The following UNC5A variants were observed in gnomAD, a reference collection of about 807,000 sequenced individuals.
The protein encoded by UNC5A is unc-5 netrin receptor A, also known as netrin receptor UNC5A.
In UNC5A, 20 loss-of-function variants were observed where a neutral mutation model predicts 87.4. The observed-to-expected ratio is 0.23, with a 90% CI of 0.16 to 0.33. The LOEUF (loss-of-function observed/expected upper bound fraction) is 0.33, where lower values mean the gene tolerates loss of function less well. Among genes scored for constraint, UNC5A ranks in the 10% least tolerant of loss-of-function variants. The pLI is 1.00. For missense variants in UNC5A, 844 were observed against 1,133.4 expected (o/e 0.74, Z 3.67); for synonymous variants, 438 against 482.3 (o/e 0.91, Z 1.20).
At chr5:176,863,295 A>C (rs569287923) in intron 2 of UNC5A, among the ~76,000 whole-genome samples, 146 of 152,328 alleles carry the variant, frequency 9.6e-4, no homozygotes, top group African/African-American at 3.4e-3. Context: ...GGCAGGGGAC[A>C]CAGCCCAGGA....
intron 1 of UNC5A, among the ~76,000 whole-genome samples, chr5:176,845,419 C>G (rs1757380507): frequency 6.6e-6 from 1 of 152,238 alleles, no homozygotes; most frequent in Admixed American, 6.5e-5. Flanking sequence ...CCTGGAATGA[C>G]CTTCCCTACC....
chr5:176,811,871 G>C (rs1027964899), intron 1 of UNC5A, among the ~76,000 whole-genome samples: 1 of 152,142 alleles, frequency 6.6e-6, no homozygotes, highest in Non-Finnish European at 1.5e-5. Context: ...TAACAGGGGT[G>C]TTGGAAGGGA....
At chr5:176,872,127 A>C (rs2917641) in intron 6 of UNC5A, among the ~76,000 whole-genome samples, 177 of 49,054 alleles carry the variant, frequency 3.6e-3, no homozygotes, top group Admixed American at 6.3e-3. Context: ...CCACAGCCTC[A>C]CATCTGCCCA....
intron 1 of UNC5A, among the ~76,000 whole-genome samples, chr5:176,853,202 G>A (rs760759144): frequency 1.4e-4 from 21 of 152,196 alleles, no homozygotes; most frequent in Admixed American, 2.6e-4. Context: ...TCCTGGCCCC[G>A]GCCATTTGGC....
chr5:176,853,464 C>T (rs910982928), intron 1 of UNC5A, among the ~76,000 whole-genome samples: 3 of 152,184 alleles, frequency 2.0e-5, no homozygotes, highest in African/African-American at 4.8e-5. Flanking sequence ...ATGTCCTCCT[C>T]GTGACTCCTG....
At chr5:176,852,721 G>A (rs1034249877) in intron 1 of UNC5A, among the ~76,000 whole-genome samples, 5 of 152,230 alleles carry the variant, frequency 3.3e-5, no homozygotes, top group Non-Finnish European at 7.3e-5. Flanking sequence ...CACTCCCCCC[G>A]GGAGTTTCTG....
Position 176,877,946 on chromosome 5 carries a change from T to A in UNC5A, c.1688T>A (p.Leu563Gln). 4 of 1,604,026 alleles carry A rather than the reference T, an allele frequency of 2.5e-6. No homozygotes were observed. The highest frequency in any genetic ancestry group is 3.4e-6 in the Non-Finnish European group (4 of 1,179,874). Residue 563 changes from leucine (L) to glutamine (Q), a missense_variant, in exon 11 of 15, where the codon CTG (leucine) becomes CAG (glutamine). Leu to Gln is a moderately radical substitution (Grantham distance 113). This residue lies in a region of UNC5A where 353 missense variants were observed against 387.5 expected (regional missense o/e 0.91). Coordinates refer to ENST00000329542, the MANE Select transcript of UNC5A (RefSeq NM_133369.3). ...EAPSHLYYCQ[L>Q]EASACYVFTE... ...CCCTCCCACCTCTACTACTGCCAGC[T>A]GGAGGCCAGTGCCTGCTACGTCTTC...
At chr5:176,826,493 T>C (rs912050290) in intron 1 of UNC5A, among the ~76,000 whole-genome samples, 4 of 152,238 alleles carry the variant, frequency 2.6e-5, no homozygotes, top group African/African-American at 9.6e-5. Context: ...ATTTTTTCTT[T>C]CCATTTTTTT....
intron 1 of UNC5A, among the ~76,000 whole-genome samples, chr5:176,859,106 C>A (rs1460406174): frequency 8.3e-6 from 1 of 120,014 alleles, no homozygotes; most frequent in Admixed American, 8.3e-5. Context: ...CTAGAATGTC[C>A]TTGCTAGAGG....
Position 176,870,365 on chromosome 5 carries a change from T to C in UNC5A, c.722-5T>C. On this transcript the variant is annotated splice_region_variant and splice_polypyrimidine_tract_variant and intron_variant, in intron 5 of 14. Coordinates refer to ENST00000329542, the MANE Select transcript of UNC5A (RefSeq NM_133369.3). Reference sequence around the variant, plus strand: ...CCGTCTCCTCTCTGCTTGTCTCTCATCTAGTGGACGGCAGCTGGAGCCCGT... The same window carrying C: ...CCGTCTCCTCTCTGCTTGTCTCTCACCTAGTGGACGGCAGCTGGAGCCCGT... 1 of 1,610,726 alleles carries C rather than the reference T, an allele frequency of 6.2e-7. No individual in the cohort carries two copies. The highest frequency in any genetic ancestry group is 8.5e-7 in the Non-Finnish European group (1 of 1,179,448).
At chr5:176,830,910 G>T (rs1382510628) in intron 1 of UNC5A, among the ~76,000 whole-genome samples, 1 of 143,312 alleles carries the variant, frequency 7.0e-6, no homozygotes, top group African/African-American at 2.7e-5. Flanking sequence ...GTGTGTATGT[G>T]CCGGCGTGTG....
Position 176,844,307 on chromosome 5 carries a change from C to T in UNC5A, c.71-18317C>T, listed in dbSNP as rs1208066930. 1.3e-5 allele frequency among the ~76,000 whole-genome samples: 2 copies of T among 152,166 alleles called. No homozygotes were observed. The highest frequency in any genetic ancestry group is 2.9e-5 in the Non-Finnish European group (2 of 68,006). On this transcript the variant is annotated intron_variant, in intron 1 of 14. Transcript: ENST00000329542. This position sits in a 1 kb window ranked among gnomAD's most constrained non-coding sequence, Gnocchi z 4.2. ...GGTTCTCTTGGTGGGTGTGGCACAG[C>T]TGAGGAAGCCCCACCGCTGGAGTCC...
rs1375006576 is a variant in UNC5A at position 176,874,683 on chromosome 5, G to C, written c.1378+117G>C. 7.9e-7 allele frequency: 1 copy of C among 1,261,588 alleles called. No individual in the cohort carries two copies. Among genetic ancestry groups the C allele is most frequent in the Non-Finnish European group, 1.1e-6 (1 of 938,152 alleles). 78.1% of individuals were successfully genotyped at this position (1,261,588 alleles called of 1,614,324 possible). A position where few individuals can be genotyped will look rare whatever the true frequency, so the allele number is the denominator to read the frequency against. ...CCGTGACAGATCAGCAAGGAAAGGG[G>C]GTGGAGTTTTGGGGAGAACCCAGTC... On this transcript the variant is annotated intron_variant, in intron 8 of 14. Transcript: ENST00000329542. The surrounding 1 kb of genome is among the most constrained non-coding windows in gnomAD (Gnocchi z 7.6).
intron 1 of UNC5A, 81 bp from the exon 2 acceptor site, chr5:176,862,543 G>A (rs1425567451): frequency 9.0e-6 from 12 of 1,338,650 alleles, no homozygotes; most frequent in Admixed American, 1.9e-5. Flanking sequence ...CCCAACCCAC[G>A]GTGGAATCGT....
At chr5:176,845,510 C>G (rs1042856868) in intron 1 of UNC5A, among the ~76,000 whole-genome samples, 1 of 152,278 alleles carries the variant, frequency 6.6e-6, no homozygotes, top group Non-Finnish European at 1.5e-5. Context: ...CTGGCTTCCC[C>G]TGCTGGACGA....
intron 1 of UNC5A, among the ~76,000 whole-genome samples, chr5:176,823,182 G>T (rs1396876201): frequency 7.0e-6 from 1 of 142,216 alleles, no homozygotes. Flanking sequence ...ATGTGGGGGG[G>T]CGAGGGAGGG....
intron 1 of UNC5A, among the ~76,000 whole-genome samples, chr5:176,839,308 G>A (rs1355178467): frequency 2.0e-5 from 3 of 152,264 alleles, no homozygotes; most frequent in Non-Finnish European, 4.4e-5. Flanking sequence ...TCAGCCATGA[G>A]CACATCGGAA....
At chr5:176,843,354 G>T (rs560251422) in intron 1 of UNC5A, among the ~76,000 whole-genome samples, 39 of 152,124 alleles carry the variant, frequency 2.6e-4, no homozygotes, top group Admixed American at 9.2e-4. Flanking sequence ...CGCTAAAGAA[G>T]CCAGACACGA....
At chr5:176,836,785 C>T (rs1248952213) in intron 1 of UNC5A, among the ~76,000 whole-genome samples, 1 of 152,222 alleles carries the variant, frequency 6.6e-6, no homozygotes, top group African/African-American at 2.4e-5. Context: ...AATCCTGCTG[C>T]ACTCAGCAGG....
Sources: gnomAD v4.1 joint callset for allele counts (sites outside exome capture counted in the v4.1 genomes callset) on GRCh38, gnomAD v4.1.1 for gene constraint, gnomAD v4.1.1 regional missense constraint, Gnocchi (gnomAD v3.1) non-coding constraint, MANE v1.5 for transcripts, NCBI Gene and HGNC (gene_info 2026-07-23, HGNC 2026-07-21) for gene names.